Variants in HTT observed in about 807,000 individuals in gnomAD.
HTT encodes the protein huntington disease protein.
Under a neutral mutation model 362.3 loss-of-function variants are expected in HTT, and 104 were observed. That is an observed-to-expected ratio of 0.29 (90% CI 0.24 to 0.34). The LOEUF is 0.34. Ranked by LOEUF, HTT falls within the 10% of genes least tolerant of loss-of-function variation. The pLI is 1.00. For synonymous variants in HTT, 1,577 were observed against 1,548.7 expected (o/e 1.02, Z -0.43); for missense variants, 3,301 against 3,928.6 (o/e 0.84, Z 4.27).
At position 3,240,067 on chromosome 4, in the gene HTT, G is replaced by T. The variant is rs770220152; in HGVS notation, c.*8G>T. 6.3e-7 allele frequency: 1 copy of T among 1,576,176 alleles called. No individual in the cohort carries two copies. On this transcript the variant is annotated 3_prime_UTR_variant, in exon 67 of 67. Coordinates refer to ENST00000355072, the MANE Select transcript of HTT (RefSeq NM_001388492.1). The stretch of plus-strand genomic sequence containing the variant: ...AAGGTCACCACCTGCTGAGCGCCAT[G>T]GTGGGAGAGACTGTGAGGCGGCAGC...
chr4:3,223,700 A>C lies in HTT; in HGVS notation c.7625+140A>C, dbSNP rs362318. 7,745 of 828,264 alleles carry C rather than the reference A, an allele frequency of 9.4e-3. 345 individuals are homozygous for C. In the African/African-American group the frequency reaches 0.1, roughly 11 times the overall value. The allele number at this position is 828,264 out of a possible 1,614,324, so 51.3% of individuals were successfully genotyped here. On this transcript the variant is annotated intron_variant, in intron 55 of 66. Transcript: ENST00000355072. ...AAAACACCGTCCGTGTGGCCTGTGC[A>C]GGAGATGCAGACCCAAAGGTGGCCT...
intron 59 of HTT, among the ~76,000 whole-genome samples, 164 bp downstream of exon 59, chr4:3,229,173 CAT>C (rs745563813): frequency 9.9e-5 from 15 of 150,838 alleles, no homozygotes; most frequent in Non-Finnish European, 5.9e-5. Flanking sequence ...ACCACACACA[CAT>C]GCCACATGCA....
intron 47 of HTT, among the ~76,000 whole-genome samples, chr4:3,211,418 C>T (rs1273163060): frequency 6.6e-6 from 1 of 152,176 alleles, no homozygotes; most frequent in Non-Finnish European, 1.5e-5. Context: ...GGATCGGCCA[C>T]CAATCTTTAA....
At chr4:3,138,561 A>G (rs1716193519) in intron 21 of HTT, among the ~76,000 whole-genome samples, 1 of 152,196 alleles carries the variant, frequency 6.6e-6, no homozygotes, top group Non-Finnish European at 1.5e-5. Context: ...AAATATTTCA[A>G]AAAAAGTTAA....
intron 47 of HTT, among the ~76,000 whole-genome samples, 162 bp downstream of exon 47, chr4:3,210,111 G>C (rs559757971): frequency 6.6e-6 from 1 of 152,162 alleles, no homozygotes; most frequent in African/African-American, 2.4e-5. Context: ...GAATGGGGCC[G>C]GGAAGTGGGG....
intron 1 of HTT, among the ~76,000 whole-genome samples, chr4:3,082,022 GTGTTTCT>G (rs1712939164): frequency 6.6e-6 from 1 of 150,926 alleles, no homozygotes; most frequent in Non-Finnish European, 1.5e-5. Flanking sequence ...AAGAACAAAA[GTGTTTCT>G]TGTGTCTTCT....
rs556972377 is a variant in HTT, at chr4:3,209,713, C to G, written c.6292-114C>G. 892 of 1,323,280 alleles carry G rather than the reference C, an allele frequency of 6.7e-4. 6 individuals carry two copies. In the South Asian group the frequency reaches 9.0e-3, roughly 13 times the overall value. 82.0% of individuals were successfully genotyped at this position (1,323,280 alleles called of 1,614,324 possible). A position where few individuals can be genotyped will look rare whatever the true frequency, so the allele number is the denominator to read the frequency against. On this transcript the variant is annotated intron_variant, in intron 46 of 66. Coordinates refer to ENST00000355072, the MANE Select transcript of HTT (RefSeq NM_001388492.1). ...AGCCACAGCCTGCCGGCCGGCAGCC[C>G]TCTCAGCCTAGTGCGGTGTTCCCAA...
chr4:3,092,136 C>T (rs1365173797), intron 2 of HTT, among the ~76,000 whole-genome samples: 1 of 152,158 alleles, frequency 6.6e-6, no homozygotes, highest in African/African-American at 2.4e-5. Context: ...GATTCTCCTG[C>T]CTCAGCCTCC....
At chr4:3,197,253 C>G (rs780818279) in intron 40 of HTT, among the ~76,000 whole-genome samples, 21 of 152,086 alleles carry the variant, frequency 1.4e-4, no homozygotes, top group Non-Finnish European at 1.5e-5. Flanking sequence ...GGCTGTTGCT[C>G]TCATGGACAA....
rs769942416 is a variant in HTT at position 3,204,088 on chromosome 4, T to C, written c.5658T>C (p.Leu1886=). The C allele has an allele frequency of 1.1e-5, 18 of 1,614,030 alleles. No homozygotes were observed. The East Asian group carries it at 3.8e-4, about 34-fold the overall frequency. Residue 1886 remains leucine, a synonymous_variant, in exon 42 of 67, where the codon CTT becomes CTC. Transcript: ENST00000355072. The stretch of plus-strand genomic sequence containing the variant: ...AGGATTCTGACTTGGCAGCCAAACT[T>C]GGAATGTGCAATAGAGAAATAGTAC... ...EEEDSDLAAK[L]GMCNREIVRR...
intron 2 of HTT, among the ~76,000 whole-genome samples, chr4:3,094,503 G>A (rs984095112): frequency 6.6e-5 from 10 of 151,200 alleles, no homozygotes; most frequent in South Asian, 2.1e-4. Context: ...GGGCAGAGGC[G>A]CCCCCCAACC....
chr4:3,148,191 C>G lies in HTT; in HGVS notation c.3482C>G (p.Pro1161Arg). 6.3e-7 allele frequency: 1 copy of G among 1,583,430 alleles called. No individual in the cohort carries two copies. Among genetic ancestry groups the G allele is most frequent in the Non-Finnish European group, 8.6e-7 (1 of 1,164,108 alleles). The change falls in exon 26 of 67, where the codon CCT becomes CGT. Residue 1161 changes from proline (P) to arginine (R), a missense_variant. Around this residue, in one of 4 missense-constraint regions of HTT, gnomAD observed 2,316 missense variants for 2,658.5 expected, o/e 0.87. Transcript: ENST00000355072. ...GCCCACGTCCTGGATGACGTGGCTC[C>G]TGGACCCGCAATAAAGGTAATGTCC... ...ICAHVLDDVA[P>R]GPAIKAALPS...
intron 6 of HTT, among the ~76,000 whole-genome samples, chr4:3,113,638 T>TAA (rs1265946970): frequency 6.6e-6 from 1 of 152,200 alleles, no homozygotes; most frequent in Non-Finnish European, 1.5e-5. Context: ...CCAAAGTAGT[T>TAA]TTTTAAGATG....
chr4:3,217,725 T>C lies in HTT; in HGVS notation c.7055-40T>C, dbSNP rs753157300. ...CTTTCTACACTGGGCATATAGGATGTGTTTTTTAAAAAGTCCTCTCTTAAC... is the reference window on the plus strand; with the variant it reads ...CTTTCTACACTGGGCATATAGGATGCGTTTTTTAAAAAGTCCTCTCTTAAC... On this transcript the variant is annotated intron_variant, in intron 51 of 66. Coordinates refer to ENST00000355072, the MANE Select transcript of HTT (RefSeq NM_001388492.1). 1.8e-5 allele frequency: 28 copies of C among 1,546,372 alleles called. No homozygotes were observed. The East Asian group carries it at 5.4e-4, about 30-fold the overall frequency.
chr4:3,159,994 C>CT (rs917993056), intron 28 of HTT, among the ~76,000 whole-genome samples: 13 of 152,248 alleles, frequency 8.5e-5, no homozygotes, highest in African/African-American at 3.1e-4. Context: ...ACATTTAACC[C>CT]TTTTTTCTCA....
At chr4:3,156,938 C>T (rs1387290793) in intron 27 of HTT, 134 bp from the exon 28 acceptor site, 2 of 678,072 alleles carry the variant, frequency 2.9e-6, no homozygotes, top group African/African-American at 3.7e-5. Flanking sequence ...TCTAGTTAAT[C>T]AAAAGGTCAG....
chr4:3,159,706 T>A (rs1238706164), intron 28 of HTT, among the ~76,000 whole-genome samples: 1 of 152,254 alleles, frequency 6.6e-6, no homozygotes, highest in African/African-American at 2.4e-5. Context: ...ATATTTATTT[T>A]CCTAGTCAGT....
At chr4:3,223,316 C>A in intron 54 of HTT, 90 bp from the exon 55 acceptor site, 1 of 1,276,858 alleles carries the variant, frequency 7.8e-7, no homozygotes. Flanking sequence ...CCTCTTCCTC[C>A]CATTGAGGCA....
At chr4:3,097,060 A>T (rs1381972711) in intron 2 of HTT, among the ~76,000 whole-genome samples, 1 of 152,218 alleles carries the variant, frequency 6.6e-6, no homozygotes, top group East Asian at 1.9e-4. Context: ...TTGAGGCTGC[A>T]GTGAACTGTG....
Sources: allele counts gnomAD v4.1 joint callset (sites outside exome capture counted in the v4.1 genomes callset), GRCh38; gene constraint gnomAD v4.1.1; regional missense constraint gnomAD v4.1.1; transcripts MANE v1.5; gene names NCBI Gene and HGNC (gene_info 2026-07-23, HGNC 2026-07-21).